The following MRPL39 variants were observed in gnomAD, a reference collection of about 807,000 sequenced individuals.
The protein encoded by MRPL39 is mitochondrial ribosomal protein L39.
A neutral mutation model predicts 44.5 loss-of-function variants in MRPL39; 35 were observed. That is an observed-to-expected ratio of 0.79 (90% CI 0.60 to 1.04). The LOEUF (loss-of-function observed/expected upper bound fraction) is 1.04. MRPL39 is among the 50% of genes least tolerant of loss of function. The pLI, the probability that MRPL39 is intolerant of heterozygous loss-of-function variation, is 0.00. For synonymous variants in MRPL39, 139 were observed against 136.1 expected, an observed-to-expected ratio of 1.02 and a Z score of -0.15; for missense variants, 433 against 413.5, an observed-to-expected ratio of 1.05 and a Z score of -0.41.
In MRPL39 at chr21:25,593,889, T is replaced by C. The variant is rs767608048; in HGVS notation, c.767+4A>G. On this transcript the variant is annotated splice_donor_region_variant and intron_variant, in intron 7 of 9. Coordinates refer to ENST00000352957, the MANE Select transcript of MRPL39 (RefSeq NM_017446.4). ...TAGCAGCCAGTTTTTAGACTTTTAC[T>C]TACCTGTGTAGCTTGACTATTCTCT... 45 of 1,612,284 alleles carry C rather than the reference T, an allele frequency of 2.8e-5. No homozygotes were observed. Among genetic ancestry groups the C allele is most frequent in the Non-Finnish European group, 3.8e-5 (45 of 1,178,886 alleles).
chr21:25,600,771 T>A (rs1442615522), intron 4 of MRPL39, among the ~76,000 whole-genome samples: 2 of 152,044 alleles, frequency 1.3e-5, no homozygotes, highest in Non-Finnish European at 2.9e-5. Flanking sequence ...GATTTCCTCC[T>A]CCTCTATACA....
chr21:25,598,387 G>A (rs556398334), intron 5 of MRPL39, among the ~76,000 whole-genome samples: 2 of 150,938 alleles, frequency 1.3e-5, no homozygotes, highest in Admixed American at 1.3e-4. Context: ...GATTGCTTGG[G>A]CCCAGAAGTT....
chr21:25,600,315 G>C (rs1004192302), intron 4 of MRPL39, among the ~76,000 whole-genome samples: 1 of 145,012 alleles, frequency 6.9e-6, no homozygotes, highest in Non-Finnish European at 1.5e-5. Context: ...AGAATCGCTT[G>C]AATCTGGGAG....
At chr21:25,586,630 T>G (rs934602271) in intron 9 of MRPL39, among the ~76,000 whole-genome samples, 1 of 152,228 alleles carries the variant, frequency 6.6e-6, no homozygotes, top group African/African-American at 2.4e-5. Flanking sequence ...GTTTTTGGAC[T>G]GACTCTTTAC....
At position 25,599,853 on chromosome 21, in the gene MRPL39, G is replaced by C; in HGVS notation, c.534C>G (p.Ala178=). The stretch of plus-strand genomic sequence containing the variant: ...TATCCAAAACTACGTCATAACAGAA[G>C]GCACCAGAAATTACTGTAAATCCAA... ...RAPEVPVISG[A]FCYDVVLDSK... The change falls in exon 5 of 10, where the codon GCC becomes GCG. Residue 178 remains alanine (A), a synonymous_variant. Coordinates refer to ENST00000352957, the MANE Select transcript of MRPL39 (RefSeq NM_017446.4). The C allele has an allele frequency of 6.2e-7, 1 of 1,613,360 alleles. No homozygotes were observed. Among genetic ancestry groups the C allele is most frequent in the Non-Finnish European group, 8.5e-7 (1 of 1,179,582 alleles).
chr21:25,587,074 A>G (rs1399929975), intron 9 of MRPL39, among the ~76,000 whole-genome samples: 2 of 152,238 alleles, frequency 1.3e-5, no homozygotes, highest in African/African-American at 4.8e-5. Context: ...GACAGTAGAA[A>G]AAAGCAACTA....
chr21:25,607,433 G>A lies in MRPL39; in HGVS notation c.43C>T (p.Leu15=), dbSNP rs766314509. 6.2e-6 allele frequency: 10 copies of A among 1,613,214 alleles called. No homozygotes were observed. Among genetic ancestry groups the A allele is most frequent in the South Asian group, 1.1e-5 (1 of 91,088 alleles). ...AMGSRALRLW[L]VAPGGGIKWR... is the part of the protein sequence containing the mutation. ...TTGATCCCGCCACCGGGTGCGACCA[G>A]CCAGAGCCGCAGCGCCCGGGAACCC... Residue 15 remains leucine, a synonymous_variant, in exon 1 of 10, where the codon CTG becomes TTG. Transcript: ENST00000352957.
intron 1 of MRPL39, 127 bp downstream of exon 1, chr21:25,607,276 G>T: frequency 3.0e-6 from 3 of 998,244 alleles, no homozygotes; most frequent in Non-Finnish European, 4.5e-6. Context: ...CGACCGCCGC[G>T]GAGGGACTAA....
At chr21:25,589,237 G>A (rs1340469771) in intron 8 of MRPL39, among the ~76,000 whole-genome samples, 1 of 152,052 alleles carries the variant, frequency 6.6e-6, no homozygotes, top group Non-Finnish European at 1.5e-5. Flanking sequence ...CTTTCCCATA[G>A]ACTGTGGTTC....
chr21:25,606,528 A>T lies in MRPL39; in HGVS notation c.201T>A (p.Val67=). Residue 67 remains valine, a synonymous_variant, in exon 2 of 10, where the codon GTT becomes GTA. Coordinates refer to ENST00000352957, the MANE Select transcript of MRPL39 (RefSeq NM_017446.4). ...SLTPRTEKIE[V]KHVGKTDPGT... ...CGGGGTCAGTTTTCCCAACATGCTT[A>T]ACTTCTATCTTCTCAGTTCGGGGAG... 6.2e-7 allele frequency: 1 copy of T among 1,614,122 alleles called. No homozygotes were observed. Among genetic ancestry groups the T allele is most frequent in the South Asian group, 1.1e-5 (1 of 91,070 alleles).
intron 9 of MRPL39, among the ~76,000 whole-genome samples, chr21:25,586,354 G>A (rs145228774): frequency 4.7e-4 from 72 of 152,188 alleles, no homozygotes; most frequent in Non-Finnish European, 7.4e-4. Context: ...TACTAATTCA[G>A]CCTAAGTTAA....
intron 8 of MRPL39, among the ~76,000 whole-genome samples, chr21:25,591,094 A>ACC (rs1568860633): frequency 8.9e-5 from 13 of 146,184 alleles, no homozygotes; most frequent in Non-Finnish European, 1.8e-4. Context: ...AAAAAAAAAA[A>ACC]AAAAAAAAAC....
intron 2 of MRPL39, among the ~76,000 whole-genome samples, chr21:25,605,491 T>C (rs1203946239): frequency 1.3e-5 from 2 of 152,050 alleles, no homozygotes; most frequent in East Asian, 1.9e-4. Context: ...GATGATAGAT[T>C]AAGTTAGGCT....
At chr21:25,606,757 A>G in intron 1 of MRPL39, 102 bp from the exon 2 acceptor site, 1 of 867,070 alleles carries the variant, frequency 1.2e-6, no homozygotes, top group African/African-American at 1.7e-5. Flanking sequence ...ATATTAACAA[A>G]CACCAGCGGA....
rs1224064718 is a variant in MRPL39 at position 25,593,942 on chromosome 21, T to G, written c.718A>C (p.Ile240Leu). Residue 240 changes from isoleucine to leucine, a missense_variant, in exon 7 of 10, where the codon ATA becomes CTA. Ile to Leu is a conservative substitution (Grantham distance 5). Coordinates refer to ENST00000352957, the MANE Select transcript of MRPL39 (RefSeq NM_017446.4). ...FQHSKYKVDF[I>L]EEKASQNPER... ...GGGTTCTGAGATGCCTTCTCTTCTA[T>G]GAAATCTACTTTGTACCTGAAAAGC... 1 of 1,613,538 alleles carries G rather than the reference T, an allele frequency of 6.2e-7. No individual in the cohort carries two copies. Among genetic ancestry groups the G allele is most frequent in the African/African-American group, 1.3e-5 (1 of 74,928 alleles).
At chr21:25,586,644 T>C (rs1236532084) in intron 9 of MRPL39, among the ~76,000 whole-genome samples, 1 of 152,220 alleles carries the variant, frequency 6.6e-6, no homozygotes, top group Non-Finnish European at 1.5e-5. Context: ...TCTTTACCTA[T>C]CCTACATGTG....
intron 4 of MRPL39, among the ~76,000 whole-genome samples, chr21:25,600,129 TAC>T (rs1214182453): frequency 6.6e-6 from 1 of 152,146 alleles, no homozygotes; most frequent in Non-Finnish European, 1.5e-5. Context: ...ACAGATTTCA[TAC>T]AGTTACCAGA....
chr21:25,601,039 C>T (rs1601380860), intron 4 of MRPL39, among the ~76,000 whole-genome samples: 1 of 151,976 alleles, frequency 6.6e-6, no homozygotes, highest in African/African-American at 2.4e-5. Context: ...ACCCCAGAGG[C>T]GGAGCTTGCA....
At chr21:25,586,514 T>C (rs2031002377) in intron 9 of MRPL39, among the ~76,000 whole-genome samples, 1 of 152,184 alleles carries the variant, frequency 6.6e-6, no homozygotes, top group Non-Finnish European at 1.5e-5. Flanking sequence ...AACAGGTCAC[T>C]TCCCTACTCA....
Sources: gnomAD v4.1 joint callset for allele counts (sites outside exome capture counted in the v4.1 genomes callset) on GRCh38, gnomAD v4.1.1 for gene constraint, MANE v1.5 for transcripts, NCBI Gene and HGNC (gene_info 2026-07-23, HGNC 2026-07-21) for gene names.